Variants in ZNF285 observed in about 807,000 individuals in gnomAD.
The protein encoded by ZNF285 is zinc finger protein 285, also known as zinc finger protein 285A.
A neutral mutation model predicts 6.2 loss-of-function variants in ZNF285; 4 were observed. That is an observed-to-expected ratio of 0.65 (90% confidence interval 0.32 to 1.49). The LOEUF (loss-of-function observed/expected upper bound fraction) is 1.49. Ranked by LOEUF, ZNF285 falls within the 40% of genes most tolerant of loss-of-function variation. The pLI is 0.07. For synonymous variants in ZNF285, 240 were observed against 245.8 expected (o/e 0.98, Z 0.22); for missense variants, 695 against 708.8 (o/e 0.98, Z 0.22).
Position 44,387,931 on chromosome 19 carries a change from A to T in ZNF285, c.314T>A (p.Val105Asp), listed in dbSNP as rs767081062. The stretch of plus-strand genomic sequence containing the variant: ...GCCTGCCCACTCTTCACTGAGGGAA[A>T]CATCTTCTAAATGTGGGGAACACTC... ...QEECSPHLED[V>D]SLSEEWAGIS... Residue 105 changes from valine to aspartate, a missense_variant, in exon 4 of 4, where the codon GTT becomes GAT. Physicochemically the swap from Val to Asp is radical, Grantham distance 152 (BLOSUM62 -3). Transcript: ENST00000614994. 3 of 1,614,116 alleles carry T rather than the reference A, an allele frequency of 1.9e-6. No homozygotes were observed. The highest frequency in any genetic ancestry group is 2.5e-6 in the Non-Finnish European group (3 of 1,179,984).
chr19:44,395,851 G>C (rs1392147500), intron 2 of ZNF285, among the ~76,000 whole-genome samples: 1 of 152,068 alleles, frequency 6.6e-6, no homozygotes, highest in African/African-American at 2.4e-5. Context: ...TTGTCCCTCT[G>C]TCTTCACTAT....
chr19:44,397,392 G>A (rs2722651), intron 1 of ZNF285, 136 bp from the exon 2 acceptor site: 173,569 of 1,020,176 alleles, frequency 0.17, 24,684 homozygotes, highest in East Asian at 0.56. Context: ...TGAACAGACT[G>A]AACTCCCACC....
At chr19:44,397,101 T>A in intron 2 of ZNF285, 98 bp downstream of exon 2, 1 of 1,553,832 alleles carries the variant, frequency 6.4e-7, no homozygotes, top group Non-Finnish European at 8.8e-7. Context: ...TAATACATAG[T>A]AGTCACTCAA....
intron 3 of ZNF285, among the ~76,000 whole-genome samples, chr19:44,391,363 GGAT>G (rs1194754307): frequency 2.0e-5 from 3 of 151,826 alleles, no homozygotes; most frequent in African/African-American, 7.3e-5. Flanking sequence ...CATAAAAGGG[GGAT>G]AATAACAGTA....
chr19:44,398,577 T>C lies in ZNF285; in HGVS notation c.-43-1321A>G, dbSNP rs574209888. Among the ~76,000 whole-genome samples, 689 of 152,274 alleles carry C rather than the reference T, an allele frequency of 4.5e-3. 5 individuals carry two copies. The highest frequency in any genetic ancestry group is 0.015 in the African/African-American group (643 of 41,526). On this transcript the variant is annotated intron_variant, in intron 1 of 3. Coordinates refer to ENST00000614994, the MANE Select transcript of ZNF285 (RefSeq NM_152354.6). ...CTCCCTTAGCCCTTCAGTCCTAAAGTCAGTAAGTTACCCTGCTATCACTAG... is the reference window on the plus strand; with the variant it reads ...CTCCCTTAGCCCTTCAGTCCTAAAGCCAGTAAGTTACCCTGCTATCACTAG...
chr19:44,397,379 C>T, intron 1 of ZNF285, 123 bp from the exon 2 acceptor site: 1 of 1,193,924 alleles, frequency 8.4e-7, no homozygotes, highest in Non-Finnish European at 1.2e-6. Context: ...TCTCTTCTCG[C>T]TCTGAACAGA....
Position 44,386,884 on chromosome 19 carries a change from T to C in ZNF285, c.1361A>G (p.Lys454Arg), listed in dbSNP as rs764892376. 1 of 1,614,136 alleles carries C rather than the reference T, an allele frequency of 6.2e-7. No homozygotes were observed. The highest frequency in any genetic ancestry group is 8.5e-7 in the Non-Finnish European group (1 of 1,180,012). Residue 454 changes from lysine (K) to arginine (R), a missense_variant, in exon 4 of 4, where the codon AAA (lysine) becomes AGA (arginine). Transcript: ENST00000614994. ...TCCACACACATTGCATTTGTATGGT[T>C]TCTCCCCTGTGTGGACTCTCTGGTG... Reference protein sequence around the residue: ...HIHQRVHTGEKPYKCNVCGKD... With the variant: ...HIHQRVHTGERPYKCNVCGKD...
At chr19:44,394,351 T>A (rs991920293) in intron 2 of ZNF285, among the ~76,000 whole-genome samples, 1 of 152,080 alleles carries the variant, frequency 6.6e-6, no homozygotes, top group Middle Eastern at 3.4e-3. Context: ...ACATGGCACA[T>A]GTATACATAT....
At position 44,386,701 on chromosome 19, in the gene ZNF285, T is replaced by C. The variant is rs765628352; in HGVS notation, c.1544A>G (p.Asp515Gly). 3 of 1,614,178 alleles carry C rather than the reference T, an allele frequency of 1.9e-6. No homozygotes were observed. The highest frequency in any genetic ancestry group is 1.7e-6 in the Non-Finnish European group (2 of 1,180,018). ...CCGGCTGAAGCCTTTACCACACTCA[T>C]CACATTTATATGGTTTCTCTCTGAT... ...DHIREKPYKC[D>G]ECGKGFSRNS... is the part of the protein sequence containing the mutation. Residue 515 changes from aspartate (D) to glycine (G), a missense_variant, in exon 4 of 4, where the codon GAT becomes GGT. Coordinates refer to ENST00000614994, the MANE Select transcript of ZNF285 (RefSeq NM_152354.6).
intron 2 of ZNF285, chr19:44,396,931 C>A: frequency 2.3e-6 from 1 of 437,404 alleles, no homozygotes; most frequent in Non-Finnish European, 4.1e-6. Context: ...TTTCCCTCAT[C>A]GGGCAGTGAT....
At chr19:44,394,250 A>G (rs1354482780) in intron 2 of ZNF285, among the ~76,000 whole-genome samples, 1 of 150,694 alleles carries the variant, frequency 6.6e-6, no homozygotes, top group African/African-American at 2.4e-5. Flanking sequence ...ATCACACACC[A>G]GGGACTGTTG....
At chr19:44,392,524 G>A in intron 2 of ZNF285, 58 bp from the exon 3 acceptor site, 2 of 1,613,430 alleles carry the variant, frequency 1.2e-6, no homozygotes, top group Non-Finnish European at 1.7e-6. Flanking sequence ...GTCTTAGTCT[G>A]TTTGGGCTGC....
chr19:44,388,245 C>G, intron 3 of ZNF285, 143 bp from the exon 4 acceptor site: 1 of 745,074 alleles, frequency 1.3e-6, no homozygotes, highest in Non-Finnish European at 2.2e-6. Context: ...TAATTCTAAC[C>G]TGTGAGCTGC....
intron 3 of ZNF285, among the ~76,000 whole-genome samples, chr19:44,391,619 G>A (rs1203727657): frequency 6.6e-6 from 1 of 151,900 alleles, no homozygotes; most frequent in African/African-American, 2.4e-5. Flanking sequence ...TCACTCTCAT[G>A]AGAACAGCAT....
Position 44,382,334 on chromosome 19 carries a change from T to C in ZNF285, c.*4138A>G, listed in dbSNP as rs897744165. On this transcript the variant is annotated 3_prime_UTR_variant, in exon 4 of 4. Transcript: ENST00000614994. ...TTTTTTTTGAGACAGAGTCTTGCCC[T>C]GTCGCCTGGGCTGGAGTGCAGTGGT... 7.6e-6 allele frequency: 1 copy of C among 132,282 alleles called. No homozygotes were observed. Among genetic ancestry groups the C allele is most frequent in the African/African-American group, 2.8e-5 (1 of 36,334 alleles). 8.2% of individuals were successfully genotyped at this position (132,282 alleles called of 1,614,324 possible).
chr19:44,394,411 TAA>T (rs56836152), intron 2 of ZNF285: 38 of 393,896 alleles, frequency 9.6e-5, no homozygotes, highest in East Asian at 2.9e-4. Context: ...TAAAGTATAA[TAA>T]AAAAAAAAGA....
intron 1 of ZNF285, among the ~76,000 whole-genome samples, chr19:44,398,076 T>C (rs1183783631): frequency 6.6e-6 from 1 of 151,908 alleles, no homozygotes; most frequent in Non-Finnish European, 1.5e-5. Flanking sequence ...ATAATACAAA[T>C]TTTTAAACAT....
At chr19:44,392,293 G>C in intron 3 of ZNF285, 47 bp downstream of exon 3, 1 of 1,612,062 alleles carries the variant, frequency 6.2e-7, no homozygotes, top group Non-Finnish European at 8.5e-7. Context: ...GGTTTGAAAT[G>C]ATGATTTGAG....
intron 3 of ZNF285, 116 bp downstream of exon 3, chr19:44,392,224 G>C: frequency 2.6e-6 from 4 of 1,548,852 alleles, no homozygotes; most frequent in Admixed American, 1.9e-5. Context: ...GCATCTCTTA[G>C]GAGTTTTCTT....
Sources: gnomAD v4.1 joint callset for allele counts (sites outside exome capture counted in the v4.1 genomes callset) on GRCh38, gnomAD v4.1.1 for gene constraint, MANE v1.5 for transcripts, NCBI Gene and HGNC (gene_info 2026-07-23, HGNC 2026-07-21) for gene names.